The following LRRTM4 variants were observed in gnomAD, a reference collection of about 807,000 sequenced individuals.
LRRTM4 encodes the protein leucine rich repeat transmembrane neuronal 4, also known as leucine-rich repeat transmembrane neuronal protein 4.
LRRTM4 carries 25 observed loss-of-function variants against 47.6 expected under a neutral mutation model. That is an observed-to-expected ratio of 0.53 (90% CI 0.38 to 0.73). The LOEUF (loss-of-function observed/expected upper bound fraction) is 0.73, where lower values mean the gene tolerates loss of function less well. LRRTM4 is among the 30% of genes least tolerant of loss of function. The pLI is 0.00. For synonymous variants in LRRTM4, 311 were observed against 269.5 expected (o/e 1.15, Z -1.51); for missense variants, 638 against 713.4 (o/e 0.89, Z 1.20).
chr2:76,856,961 A>G (rs1175708027), intron 3 of LRRTM4, among the ~76,000 whole-genome samples: 2 of 152,096 alleles, frequency 1.3e-5, no homozygotes, highest in Non-Finnish European at 2.9e-5. Context: ...ATTTACAACA[A>G]TGGTTTATCA....
intron 3 of LRRTM4, among the ~76,000 whole-genome samples, chr2:76,781,712 C>G (rs113328499): frequency 6.8e-6 from 1 of 147,700 alleles, no homozygotes; most frequent in East Asian, 1.9e-4. Context: ...ATCACCCGTC[C>G]TCTGCGTCGC....
intron 3 of LRRTM4, among the ~76,000 whole-genome samples, chr2:76,793,315 C>G (rs1409627547): frequency 6.6e-6 from 1 of 152,140 alleles, no homozygotes; most frequent in Non-Finnish European, 1.5e-5. Flanking sequence ...AAACAAATGC[C>G]TCTGGCTATT....
chr2:76,789,396 T>A (rs1674849400), intron 3 of LRRTM4, among the ~76,000 whole-genome samples: 1 of 152,150 alleles, frequency 6.6e-6, no homozygotes, highest in South Asian at 2.1e-4. Flanking sequence ...TAGTGACCTC[T>A]CTCTTTTCCC....
At chr2:77,123,136 A>T (rs1488444233) in intron 3 of LRRTM4, among the ~76,000 whole-genome samples, 1 of 151,874 alleles carries the variant, frequency 6.6e-6, no homozygotes, top group East Asian at 1.9e-4. Context: ...AAGGAAATAG[A>T]TCAGTTGACG....
At position 77,032,755 on chromosome 2, in the gene LRRTM4, T is replaced by C. The variant is rs368109016; in HGVS notation, c.1552-283839A>G. Reference sequence around the variant, plus strand: ...TTAAGACTTACCGATTTAATTCTTTTAGGCTTTTTCTGATTTATAAACAGC... The same window carrying C: ...TTAAGACTTACCGATTTAATTCTTTCAGGCTTTTTCTGATTTATAAACAGC... On this transcript the variant is annotated intron_variant, in intron 3 of 3. Coordinates refer to ENST00000409884, the MANE Select transcript of LRRTM4 (RefSeq NM_001134745.3). Among the ~76,000 whole-genome samples, 3 of 152,272 alleles carry C rather than the reference T, an allele frequency of 2.0e-5. No individual in the cohort carries two copies. The East Asian group carries it at 5.8e-4, about 29-fold the overall frequency.
intron 3 of LRRTM4, among the ~76,000 whole-genome samples, chr2:77,183,926 C>G (rs1230338028): frequency 6.6e-6 from 1 of 151,966 alleles, no homozygotes; most frequent in Non-Finnish European, 1.5e-5. Context: ...ACACCGGGGC[C>G]TGTCGTGGGT....
At chr2:77,253,978 A>C (rs991146710) in intron 3 of LRRTM4, among the ~76,000 whole-genome samples, 6 of 152,088 alleles carry the variant, frequency 3.9e-5, no homozygotes, top group Non-Finnish European at 8.8e-5. Flanking sequence ...AAAATTGACA[A>C]GATATAAACT....
At chr2:77,052,469 G>A (rs376766696) in intron 3 of LRRTM4, among the ~76,000 whole-genome samples, 9 of 151,784 alleles carry the variant, frequency 5.9e-5, no homozygotes, top group Admixed American at 1.3e-4. Flanking sequence ...ATGCCCAGCC[G>A]ACATCTCCCT....
intron 3 of LRRTM4, among the ~76,000 whole-genome samples, chr2:77,282,090 G>A (rs1016722487): frequency 6.6e-6 from 1 of 151,886 alleles, no homozygotes; most frequent in South Asian, 2.1e-4. Context: ...TTTTCAAATT[G>A]TTTATGTGTC....
intron 3 of LRRTM4, among the ~76,000 whole-genome samples, chr2:77,010,865 G>A (rs1220599240): frequency 6.6e-6 from 1 of 152,238 alleles, no homozygotes; most frequent in Non-Finnish European, 1.5e-5. Context: ...GAGACTGATT[G>A]TGGTTAGGGG....
chr2:77,505,521 A>T (rs990184978), intron 3 of LRRTM4, among the ~76,000 whole-genome samples: 1 of 151,534 alleles, frequency 6.6e-6, no homozygotes, highest in Non-Finnish European at 1.5e-5. Flanking sequence ...TAGAAACAAA[A>T]AAATTGCTCC....
chr2:76,974,702 A>G (rs1190794757), intron 3 of LRRTM4, among the ~76,000 whole-genome samples: 1 of 151,766 alleles, frequency 6.6e-6, no homozygotes, highest in African/African-American at 2.4e-5. Context: ...GTGAAATTTG[A>G]GAGAATTAAT....
intron 3 of LRRTM4, among the ~76,000 whole-genome samples, chr2:76,996,722 GTT>G (rs1192161899): frequency 6.6e-6 from 1 of 152,084 alleles, no homozygotes; most frequent in East Asian, 1.9e-4. Flanking sequence ...AATGCACACT[GTT>G]AGTAATGATT....
chr2:77,139,699 T>A (rs759861236), intron 3 of LRRTM4, among the ~76,000 whole-genome samples: 1 of 152,178 alleles, frequency 6.6e-6, no homozygotes, highest in African/African-American at 2.4e-5. Context: ...TGTTTGTAGA[T>A]GATATGATTA....
intron 3 of LRRTM4, among the ~76,000 whole-genome samples, chr2:77,115,745 A>C (rs1671374719): frequency 6.6e-6 from 1 of 152,244 alleles, no homozygotes; most frequent in African/African-American, 2.4e-5. Flanking sequence ...TCTTCAAAAT[A>C]AAATATTATA....
rs6724589 is a variant in LRRTM4 at position 76,911,936 on chromosome 2, G to T, written c.1552-163020C>A. On this transcript the variant is annotated intron_variant, in intron 3 of 3. Coordinates refer to ENST00000409884, the MANE Select transcript of LRRTM4 (RefSeq NM_001134745.3). ...GAGTGAGTTGTGGTATGTGCTTTTT[G>T]GGGGGGGGGGGGGGACAGAGTCTCG... Among the ~76,000 whole-genome samples, 69 of 4,012 alleles carry T rather than the reference G, an allele frequency of 0.017. No homozygotes were observed. In the East Asian group the frequency reaches 0.25, roughly 15 times the overall value. 2.6% of individuals were successfully genotyped at this position (4,012 alleles called of 152,430 possible).
intron 3 of LRRTM4, among the ~76,000 whole-genome samples, chr2:77,119,100 A>G (rs966562602): frequency 3.3e-5 from 5 of 151,792 alleles, no homozygotes; most frequent in African/African-American, 1.2e-4. Context: ...CTTTCAAAAA[A>G]TGTTATGAAG....
chr2:77,333,485 TTA>T (rs1043862758), intron 3 of LRRTM4, among the ~76,000 whole-genome samples: 1 of 152,180 alleles, frequency 6.6e-6, no homozygotes, highest in Non-Finnish European at 1.5e-5. Flanking sequence ...GTGACTTTTG[TTA>T]TGTTTTAGCA....
At chr2:77,161,637 A>G (rs1672731663) in intron 3 of LRRTM4, among the ~76,000 whole-genome samples, 1 of 152,106 alleles carries the variant, frequency 6.6e-6, no homozygotes, top group Admixed American at 6.5e-5. Context: ...AAAAATTTCC[A>G]ATATATTGGA....
Sources: gnomAD v4.1 joint callset for allele counts (sites outside exome capture counted in the v4.1 genomes callset) on GRCh38, gnomAD v4.1.1 for gene constraint, MANE v1.5 for transcripts, NCBI Gene and HGNC (gene_info 2026-07-23, HGNC 2026-07-21) for gene names.